The following HABP2 variants were observed in gnomAD, a reference collection of about 807,000 sequenced individuals.
HABP2 encodes the protein hyaluronan binding protein 2, also known as factor VII-activating protease.
In HABP2, 65 loss-of-function variants were observed where a neutral mutation model predicts 66.5. That is an observed-to-expected ratio of 0.98 (90% CI 0.80 to 1.20). HABP2 has a LOEUF of 1.20. Ranked by LOEUF, HABP2 falls within the 50% of genes most tolerant of loss-of-function variation. The probability of loss-of-function intolerance (pLI) is 0.00; values close to 1 mark genes in which losing one functional copy is unlikely to be tolerated. For missense variants in HABP2, 786 were observed against 691.0 expected, an observed-to-expected ratio of 1.14 and a Z score of -1.54; for synonymous variants, 263 against 253.9, an observed-to-expected ratio of 1.04 and a Z score of -0.34.
intron 2 of HABP2, among the ~76,000 whole-genome samples, chr10:113,567,939 G>A (rs1244678770): frequency 6.6e-6 from 1 of 152,200 alleles, no homozygotes. Context: ...TTGTGCGAGG[G>A]CGGCCTCCGG....
At chr10:113,583,688 C>T (rs539705072) in intron 10 of HABP2, among the ~76,000 whole-genome samples, 59 of 152,286 alleles carry the variant, frequency 3.9e-4, no homozygotes, top group African/African-American at 1.4e-3. Flanking sequence ...GAAATGGAAA[C>T]ACTGATGCAC....
intron 12 of HABP2, among the ~76,000 whole-genome samples, chr10:113,586,239 T>C (rs565766810): frequency 3.3e-4 from 51 of 152,306 alleles, no homozygotes; most frequent in African/African-American, 1.2e-3. Context: ...AGAGAAGTTA[T>C]CTTGGCCTAT....
chr10:113,578,896 C>T, intron 7 of HABP2, 98 bp downstream of exon 7: 1 of 816,964 alleles, frequency 1.2e-6, no homozygotes, highest in Non-Finnish European at 2.1e-6. Context: ...GATTTTCTTA[C>T]TCAGCAAGGC....
chr10:113,562,624 T>C (rs763578518), intron 1 of HABP2, among the ~76,000 whole-genome samples: 1 of 152,130 alleles, frequency 6.6e-6, no homozygotes, highest in Non-Finnish European at 1.5e-5. Flanking sequence ...TTTGTATTTT[T>C]AGTAGAGATG....
rs1845798181 is a variant in HABP2 at position 113,589,395 on chromosome 10, C to G, written c.*1026C>G. 1.7e-6 allele frequency: 1 copy of G among 575,102 alleles called. No homozygotes were observed. The highest frequency in any genetic ancestry group is 1.9e-5 in the African/African-American group (1 of 53,538). 35.6% of individuals were successfully genotyped at this position (575,102 alleles called of 1,614,324 possible). On this transcript the variant is annotated 3_prime_UTR_variant, in exon 13 of 13. Transcript: ENST00000351270. ...CAAGCAGTCAGCACAGCCTGGGCTG[C>G]CCTGGCCCGGGATTGATGTAGCCCC...
At position 113,557,925 on chromosome 10, in the gene HABP2, A is replaced by G. The variant is rs72833727; in HGVS notation, c.69+4735A>G. ...AAACTAAGCATAGAGCAGTTAAATC[A>G]TCTACTCAAGATGGCACCTCTGGGA... On this transcript the variant is annotated intron_variant, in intron 1 of 12. Transcript: ENST00000351270. Among the ~76,000 whole-genome samples the G allele has an allele frequency of 2.8e-3, 420 of 152,336 alleles. 2 individuals are homozygous for G. The highest frequency in any genetic ancestry group is 8.0e-3 in the Admixed American group (122 of 15,306).
intron 5 of HABP2, 79 bp from the exon 6 acceptor site, chr10:113,577,946 AC>A: frequency 6.5e-7 from 1 of 1,538,846 alleles, no homozygotes; most frequent in Non-Finnish European, 8.8e-7. Context: ...GTAGAATGCC[AC>A]CAATGTCTCC....
At chr10:113,563,044 A>G (rs1845128581) in intron 1 of HABP2, among the ~76,000 whole-genome samples, 1 of 152,206 alleles carries the variant, frequency 6.6e-6, no homozygotes, top group East Asian at 1.9e-4. Flanking sequence ...TAATCATAAT[A>G]CCTAAATTAT....
At chr10:113,564,971 C>T (rs189016692) in intron 1 of HABP2, among the ~76,000 whole-genome samples, 12 of 152,196 alleles carry the variant, frequency 7.9e-5, no homozygotes, top group African/African-American at 1.9e-4. Context: ...CTCAGCCTCC[C>T]GAGTAGCTAG....
At chr10:113,578,820 C>A (rs373779606) in intron 7 of HABP2, 22 bp downstream of exon 7, 3 of 1,538,616 alleles carry the variant, frequency 1.9e-6, no homozygotes, top group African/African-American at 1.4e-5. Context: ...CTTATTTATG[C>A]TCAGTTGATT....
Position 113,589,394 on chromosome 10 carries a change from GC to G in HABP2, c.*1028del. The G allele has an allele frequency of 1.7e-6, 1 of 574,996 alleles. No individual in the cohort carries two copies. Among genetic ancestry groups the G allele is most frequent in the Non-Finnish European group, 3.1e-6 (1 of 325,464 alleles). 35.6% of individuals were successfully genotyped at this position (574,996 alleles called of 1,614,324 possible). A position where few individuals can be genotyped will look rare whatever the true frequency, so the allele number is the denominator to read the frequency against. On this transcript the variant is annotated 3_prime_UTR_variant, in exon 13 of 13. Transcript: ENST00000351270. ...GCAAGCAGTCAGCACAGCCTGGGCT[GC>G]CCTGGCCCGGGATTGATGTAGCCCC...
At chr10:113,563,642 C>T (rs1169229107) in intron 1 of HABP2, among the ~76,000 whole-genome samples, 2 of 152,212 alleles carry the variant, frequency 1.3e-5, no homozygotes, top group Admixed American at 6.5e-5. Flanking sequence ...CGTCTGCCAC[C>T]TGCTGGCTGT....
In HABP2 at chr10:113,584,142, A is replaced by G. The variant is rs1438656242; in HGVS notation, c.1238-6A>G. ...GCATCCATTTTCTACCTCTCTCTCC[A>G]CCTAGCATTGCTCAAGTTAAAGCCA... On this transcript the variant is annotated splice_polypyrimidine_tract_variant and splice_region_variant and intron_variant, in intron 10 of 12. Coordinates refer to ENST00000351270, the MANE Select transcript of HABP2 (RefSeq NM_004132.5). The G allele has an allele frequency of 1.2e-6, 2 of 1,613,224 alleles. No homozygotes were observed. Among genetic ancestry groups the G allele is most frequent in the Non-Finnish European group, 1.7e-6 (2 of 1,179,480 alleles).
At chr10:113,581,438 T>A (rs937368249) in intron 8 of HABP2, among the ~76,000 whole-genome samples, 1 of 152,198 alleles carries the variant, frequency 6.6e-6, no homozygotes, top group South Asian at 2.1e-4. Flanking sequence ...CCTATTCTAG[T>A]TCATCTGAAT....
Position 113,578,742 on chromosome 10 carries a change from CA to C in HABP2, c.686del (p.Asn229ThrfsTer38). 2 of 1,611,746 alleles carry C rather than the reference CA, an allele frequency of 1.2e-6. No homozygotes were observed. Among genetic ancestry groups the C allele is most frequent in the Admixed American group, 3.3e-5 (2 of 60,010 alleles). On this transcript the variant is annotated frameshift_variant, in exon 7 of 13. Transcript: ENST00000351270. LOFTEE classifies it high-confidence loss of function. Reference protein sequence around the residue: ...NSHLLLQENYNMFMEDAETHG... With the variant: ...NSHLLLQENYXMFMEDAETHG... ...CCCACCTCCTCTTGCAGGAGAATTA[CA>C]ACATGTTTATGGAGGATGCTGAAAC...
intron 2 of HABP2, among the ~76,000 whole-genome samples, chr10:113,571,566 G>A (rs1845312613): frequency 6.6e-6 from 1 of 152,112 alleles, no homozygotes; most frequent in Non-Finnish European, 1.5e-5. Flanking sequence ...TCTCTTGGTG[G>A]GAGAAACTGA....
intron 3 of HABP2, among the ~76,000 whole-genome samples, chr10:113,575,613 G>T (rs189333809): frequency 7.2e-5 from 11 of 152,138 alleles, no homozygotes; most frequent in Non-Finnish European, 1.5e-4. Flanking sequence ...GAAAAGGGGA[G>T]TTTCTCAATG....
chr10:113,567,537 G>T lies in HABP2; in HGVS notation c.106+12G>T. On this transcript the variant is annotated intron_variant, in intron 2 of 12. Coordinates refer to ENST00000351270, the MANE Select transcript of HABP2 (RefSeq NM_004132.5). ...AAGCCTGGACCCAGGTAAGTGTGCT[G>T]ATCTCCCTGGGGCTTCCCACCAATC... is the stretch of plus-strand genomic sequence containing the variant. 6.3e-7 allele frequency: 1 copy of T among 1,599,154 alleles called. No individual in the cohort carries two copies. Among genetic ancestry groups the T allele is most frequent in the South Asian group, 1.1e-5 (1 of 90,734 alleles).
intron 1 of HABP2, 64 bp downstream of exon 1, chr10:113,553,254 A>G: frequency 2.5e-6 from 3 of 1,182,134 alleles, no homozygotes; most frequent in Non-Finnish European, 3.8e-6. Flanking sequence ...GGACCAAGCT[A>G]GGCTGGGAGT....
Sources: gnomAD v4.1 joint callset for allele counts (sites outside exome capture counted in the v4.1 genomes callset) on GRCh38, gnomAD v4.1.1 for gene constraint, MANE v1.5 for transcripts, NCBI Gene and HGNC (gene_info 2026-07-23, HGNC 2026-07-21) for gene names.